The following SMARCAD1 variants were observed in gnomAD, a reference collection of about 807,000 sequenced individuals.
SMARCAD1 encodes SNF2 related chromatin remodeling ATPase with DExD box 1, also known as SWI/SNF-related matrix-associated actin-dependent regulator of chromatin subfamily A containing DEAD/H box 1.
A neutral mutation model predicts 127.1 loss-of-function variants in SMARCAD1; 25 were observed. The ratio of observed to expected loss-of-function variants is 0.20; its 90% CI spans 0.14 to 0.27. The LOEUF (loss-of-function observed/expected upper bound fraction) is 0.27. SMARCAD1 is among the 10% of genes least tolerant of loss of function. The pLI is 1.00. For missense variants in SMARCAD1, 807 were observed against 1,206.0 expected (o/e 0.67, Z 4.90); for synonymous variants, 400 against 396.9 (o/e 1.01, Z -0.09).
chr4:94,233,971 A>T lies in SMARCAD1; in HGVS notation c.386A>T (p.Asp129Val). ...TVIIVSEPSE[D>V]EESQGLPTMA... Reference sequence around the variant, plus strand: ...ATTTTTAGTTCTGAGCCATCTGAAGATGAAGAGTCCCAAGGCCTTCCTACC... The same window carrying T: ...ATTTTTAGTTCTGAGCCATCTGAAGTTGAAGAGTCCCAAGGCCTTCCTACC... The change falls in exon 4 of 24, where the codon GAT (aspartate) becomes GTT (valine). Residue 129 changes from aspartate to valine, a missense_variant. Transcript: ENST00000354268. 1 of 1,613,724 alleles carries T rather than the reference A, an allele frequency of 6.2e-7. No homozygotes were observed. The highest frequency in any genetic ancestry group is 8.5e-7 in the Non-Finnish European group (1 of 1,179,760).
intron 2 of SMARCAD1, among the ~76,000 whole-genome samples, chr4:94,222,821 G>A (rs1211718659): frequency 2.0e-5 from 3 of 152,074 alleles, no homozygotes; most frequent in Non-Finnish European, 1.5e-5. Flanking sequence ...AAAATTAGCC[G>A]GGTGTCGGGG....
intron 2 of SMARCAD1, among the ~76,000 whole-genome samples, chr4:94,210,145 A>G (rs1578966427): frequency 6.6e-6 from 1 of 152,156 alleles, no homozygotes; most frequent in East Asian, 1.9e-4. Flanking sequence ...TTTCTTTCTA[A>G]TGATAACACT....
intron 2 of SMARCAD1, among the ~76,000 whole-genome samples, chr4:94,212,649 G>C (rs886117078): frequency 1.3e-5 from 2 of 151,930 alleles, no homozygotes; most frequent in African/African-American, 4.8e-5. Context: ...ACCACAGCCG[G>C]CTAATTTTTG....
At chr4:94,282,231 G>T (rs1331255706) in intron 21 of SMARCAD1, among the ~76,000 whole-genome samples, 92 of 97,068 alleles carry the variant, frequency 9.5e-4, no homozygotes, top group Non-Finnish European at 1.4e-3. Flanking sequence ...CGAGTAGCTG[G>T]GACTACAGGC....
chr4:94,252,455 C>T (rs1560540619), intron 8 of SMARCAD1, among the ~76,000 whole-genome samples, 161 bp from the exon 9 acceptor site: 1 of 152,174 alleles, frequency 6.6e-6, no homozygotes. Flanking sequence ...ACTTCAAATT[C>T]TACTTAAGTA....
chr4:94,226,612 A>G (rs962382024), intron 3 of SMARCAD1, among the ~76,000 whole-genome samples: 2 of 150,844 alleles, frequency 1.3e-5, no homozygotes, highest in African/African-American at 2.4e-5. Context: ...GATCGTGTAT[A>G]ACTGCTTTAT....
chr4:94,242,809 CG>C (rs1183441720), intron 6 of SMARCAD1, among the ~76,000 whole-genome samples: 1 of 151,844 alleles, frequency 6.6e-6, no homozygotes, highest in African/African-American at 2.4e-5. Flanking sequence ...CTCAGCTACC[CG>C]GAGGCTAAGG....
Position 94,270,773 on chromosome 4 carries a change from A to G in SMARCAD1, c.1527A>G (p.Ala509=). Reference sequence around the variant, plus strand: ...AGAAGGTTGGTTTGAATTGGCTGGCATTGGTACATAAACATGGACTTAATG... The same window carrying G: ...AGAAGGTTGGTTTGAATTGGCTGGCGTTGGTACATAAACATGGACTTAATG... ...PYQKVGLNWL[A]LVHKHGLNGI... Residue 509 remains alanine (A), a synonymous_variant, in exon 11 of 24, where the codon GCA becomes GCG. Transcript: ENST00000354268. 1 of 1,613,624 alleles carries G rather than the reference A, an allele frequency of 6.2e-7. No homozygotes were observed. The highest frequency in any genetic ancestry group is 8.5e-7 in the Non-Finnish European group (1 of 1,179,682).
At chr4:94,269,567 T>C (rs958133329) in intron 10 of SMARCAD1, among the ~76,000 whole-genome samples, 1 of 151,188 alleles carries the variant, frequency 6.6e-6, no homozygotes, top group African/African-American at 2.4e-5. Flanking sequence ...TTAAATGAGG[T>C]GATGTTTGAA....
chr4:94,223,122 C>G (rs1485656513), intron 2 of SMARCAD1, among the ~76,000 whole-genome samples: 1 of 152,162 alleles, frequency 6.6e-6, no homozygotes, highest in Non-Finnish European at 1.5e-5. Flanking sequence ...GACCCCCCTA[C>G]AGGTGAAAAG....
Position 94,263,038 on chromosome 4 carries a change from G to C in SMARCAD1, c.1282-1669G>C, listed in dbSNP as rs985658655. Among the ~76,000 whole-genome samples the C allele has an allele frequency of 9.9e-5, 15 of 152,064 alleles. No homozygotes were observed. In the East Asian group the frequency reaches 1.2e-3, roughly 12 times the overall value. On this transcript the variant is annotated intron_variant, in intron 9 of 23. Coordinates refer to ENST00000354268, the MANE Select transcript of SMARCAD1 (RefSeq NM_020159.5). The stretch of plus-strand genomic sequence containing the variant: ...GGGCATGGAATTTTTCTCTTACCCA[G>C]CTTTGTGATGTTGGAAATTGAACCT...
intron 8 of SMARCAD1, among the ~76,000 whole-genome samples, chr4:94,252,360 T>C (rs1749405525): frequency 6.6e-6 from 1 of 152,206 alleles, no homozygotes; most frequent in South Asian, 2.1e-4. Flanking sequence ...CCATTTGTGT[T>C]CTCAGGACCT....
At chr4:94,210,301 A>G (rs1248748884) in intron 2 of SMARCAD1, among the ~76,000 whole-genome samples, 1 of 152,212 alleles carries the variant, frequency 6.6e-6, no homozygotes, top group African/African-American at 2.4e-5. Flanking sequence ...TAATCCTTGT[A>G]GGAATGGAGC....
At chr4:94,269,203 T>A (rs1049668185) in intron 10 of SMARCAD1, among the ~76,000 whole-genome samples, 1 of 152,228 alleles carries the variant, frequency 6.6e-6, no homozygotes. Context: ...CAACTACCTG[T>A]TCTTCACTCA....
rs573979574 is a variant in SMARCAD1, at chr4:94,285,699, T to G, written c.3019+630T>G. ...GAGAGAAGTGCGTATGATCAAATAA[T>G]TACTAGTCTTTCTTGCGTAGCATTT... On this transcript the variant is annotated intron_variant, in intron 23 of 23. Transcript: ENST00000354268. Among the ~76,000 whole-genome samples the G allele has an allele frequency of 1.3e-4, 20 of 152,310 alleles. 1 individual carries two copies. The South Asian group carries it at 4.1e-3, about 32-fold the overall frequency.
intron 20 of SMARCAD1, 152 bp downstream of exon 20, chr4:94,280,932 T>C: frequency 1.4e-6 from 1 of 729,980 alleles, no homozygotes; most frequent in South Asian, 1.8e-5. Context: ...ACGTATTTTC[T>C]TGATTACCTC....
intron 4 of SMARCAD1, among the ~76,000 whole-genome samples, 185 bp downstream of exon 4, chr4:94,234,307 G>A (rs951480548): frequency 2.0e-5 from 3 of 152,148 alleles, no homozygotes; most frequent in African/African-American, 7.2e-5. Flanking sequence ...TAATAGATGA[G>A]GTTATTTATT....
chr4:94,248,074 C>T (rs1211729253), intron 6 of SMARCAD1, among the ~76,000 whole-genome samples: 1 of 152,092 alleles, frequency 6.6e-6, no homozygotes, highest in Non-Finnish European at 1.5e-5. Context: ...TGTTTAGCTC[C>T]CATTTATAAG....
At chr4:94,214,507 C>T (rs1402247397) in intron 2 of SMARCAD1, among the ~76,000 whole-genome samples, 1 of 151,812 alleles carries the variant, frequency 6.6e-6, no homozygotes, top group African/African-American at 2.4e-5. Flanking sequence ...GACTTGAGAT[C>T]TGCCCGCCTC....
Sources: gnomAD v4.1 joint callset for allele counts (sites outside exome capture counted in the v4.1 genomes callset) on GRCh38, gnomAD v4.1.1 for gene constraint, MANE v1.5 for transcripts, NCBI Gene and HGNC (gene_info 2026-07-23, HGNC 2026-07-21) for gene names.